Variants in MYO1C observed in about 807,000 individuals in gnomAD.
The protein encoded by MYO1C is unconventional myosin-Ic.
MYO1C carries 104 observed loss-of-function variants against 150.8 expected under a neutral mutation model. The ratio of observed to expected loss-of-function variants is 0.69; its 90% CI spans 0.59 to 0.81. The LOEUF is 0.81. MYO1C is among the 30% of genes least tolerant of loss of function. The probability of loss-of-function intolerance (pLI) is 0.00; values close to 1 mark genes in which losing one functional copy is unlikely to be tolerated. For synonymous variants in MYO1C, 663 were observed against 579.9 expected (o/e 1.14, Z -2.06); for missense variants, 1,504 against 1,435.0 (o/e 1.05, Z -0.78).
intron 13 of MYO1C, 28 bp downstream of exon 13, chr17:1,477,863 C>G: frequency 6.3e-7 from 1 of 1,599,584 alleles, no homozygotes; most frequent in Non-Finnish European, 8.6e-7. Context: ...GCCTCCAGCA[C>G]CAGGCCTTGG....
Position 1,467,997 on chromosome 17 carries a change from T to G in MYO1C, c.2887A>C (p.Asn963His). Reference sequence around the variant, plus strand: ...CTGGACCCTGGCTGACCGGTCAGGTTGGCGTAATCAATCCTCTGCTTGACT... The same window carrying G: ...CTGGACCCTGGCTGACCGGTCAGGTGGGCGTAATCAATCCTCTGCTTGACT... The part of the protein sequence containing the change: ...AKVKQRIDYA[N>H]LTGISVSSLS... Residue 963 changes from asparagine (N) to histidine (H), a missense_variant, in exon 28 of 32, where the codon AAC becomes CAC. Transcript: ENST00000648651. 7 of 1,612,568 alleles carry G rather than the reference T, an allele frequency of 4.3e-6. No homozygotes were observed. The highest frequency in any genetic ancestry group is 5.1e-6 in the Non-Finnish European group (6 of 1,179,734).
intron 1 of MYO1C, 161 bp from the exon 2 acceptor site, chr17:1,484,464 C>A (rs62089656): frequency 2.8e-5 from 23 of 829,310 alleles, no homozygotes; most frequent in Non-Finnish European, 4.2e-5. Flanking sequence ...GTGCTGAGGG[C>A]CTGGGTGTGG....
intron 1 of MYO1C, among the ~76,000 whole-genome samples, chr17:1,486,392 G>C (rs559117523): frequency 2.0e-5 from 3 of 152,258 alleles, no homozygotes; most frequent in African/African-American, 7.2e-5. Context: ...CCCCTCTGGA[G>C]GGCTCAGTTC....
At chr17:1,484,872 T>TTCCCCCCC in intron 1 of MYO1C, 8 of 341,198 alleles carry the variant, frequency 2.3e-5, no homozygotes, top group Non-Finnish European at 2.8e-5. Flanking sequence ...GGGCCGTCTC[T>TTCCCCCCC]CCCACCCAGA....
At chr17:1,477,452 A>G in intron 14 of MYO1C, 53 bp downstream of exon 14, 1 of 1,532,982 alleles carries the variant, frequency 6.5e-7, no homozygotes, top group Admixed American at 1.7e-5. Flanking sequence ...TGCACTCCGC[A>G]GGCTCTGCTG....
At chr17:1,470,814 AGTGG>A (rs1567517659) in intron 21 of MYO1C, 125 bp from the exon 22 acceptor site, 2 of 878,122 alleles carry the variant, frequency 2.3e-6, no homozygotes, top group African/African-American at 3.7e-5. Flanking sequence ...GCAGGAGGAG[AGTGG>A]TGAAGAAGAA....
rs201910249 is a variant in MYO1C, at chr17:1,465,742, C to T, written c.3176G>A (p.Arg1059Gln). The T allele has an allele frequency of 2.4e-5, 32 of 1,324,108 alleles. No homozygotes were observed. The Admixed American group carries it at 2.7e-4, about 11-fold the overall frequency. The allele number at this position is 1,324,108 out of a possible 1,614,324, so 82.0% of individuals were successfully genotyped here. The change falls in exon 32 of 32, where the codon CGG (arginine) becomes CAG (glutamine). Residue 1059 changes from arginine to glutamine, a missense_variant. By Grantham distance (43) the Arg-to-Gln change is conservative. Transcript: ENST00000648651. Reference sequence around the variant, plus strand: ...GCGCCTTTATCACCGAGAATTCAGCCGTGGGGCGACCTGTGGGGGCGGAGA... The same window carrying T: ...GCGCCTTTATCACCGAGAATTCAGCTGTGGGGCGACCTGTGGGGGCGGAGA... ...KNGHLAVVAP[R>Q]LNSR
rs1363908273 is a variant in MYO1C, at chr17:1,474,755, G to A, written c.1716+57C>T. The A allele has an allele frequency of 5.0e-6, 8 of 1,612,284 alleles. No individual in the cohort carries two copies. In the Admixed American group the frequency reaches 1.0e-4, roughly 20 times the overall value. On this transcript the variant is annotated intron_variant, in intron 16 of 31. Coordinates refer to ENST00000648651, the MANE Select transcript of MYO1C (RefSeq NM_001080779.2). Reference sequence around the variant, plus strand: ...CAGGCAGGACAGGCTCCTGGACACAGGTGCAGAGCTGTGGGCTATCCCCAC... The same window carrying A: ...CAGGCAGGACAGGCTCCTGGACACAAGTGCAGAGCTGTGGGCTATCCCCAC...
rs976868208 is a variant in MYO1C, at chr17:1,469,691, C to T, written c.2527-77G>A. On this transcript the variant is annotated intron_variant, in intron 24 of 31. Coordinates refer to ENST00000648651, the MANE Select transcript of MYO1C (RefSeq NM_001080779.2). ...TGAAGACATCGAACATATGCTACTG[C>T]ATCCTTTGGATAAGTAACACCCCCT... 5.0e-6 allele frequency: 6 copies of T among 1,211,124 alleles called. No individual in the cohort carries two copies. In the Admixed American group the frequency reaches 9.7e-5, roughly 19 times the overall value. 75.0% of individuals were successfully genotyped at this position (1,211,124 alleles called of 1,614,324 possible). A position where few individuals can be genotyped will look rare whatever the true frequency, so the allele number is the denominator to read the frequency against.
At position 1,481,028 on chromosome 17, in the gene MYO1C, G is replaced by T. The variant is rs2074509507; in HGVS notation, c.628-143C>A. 5.0e-6 allele frequency: 4 copies of T among 805,918 alleles called. No homozygotes were observed. In the Admixed American group the frequency reaches 9.6e-5, roughly 19 times the overall value. The allele number at this position is 805,918 out of a possible 1,614,324, so 49.9% of individuals were successfully genotyped here. ...CCTGCCACTAGCTGCGTCGGCTCAG[G>T]CACGCCACCCACGCTGGACTCAGTT... On this transcript the variant is annotated intron_variant, in intron 5 of 31. Transcript: ENST00000648651.
intron 4 of MYO1C, 95 bp from the exon 5 acceptor site, chr17:1,482,653 T>G (rs2074548379): frequency 1.5e-6 from 1 of 683,962 alleles, no homozygotes; most frequent in Non-Finnish European, 2.0e-6. Context: ...CCTCCCGCAC[T>G]GGGCTTCTCT....
Position 1,492,417 on chromosome 17 carries a change from T to G in MYO1C, c.71A>C (p.Lys24Thr), listed in dbSNP as rs2074746151. Residue 24 changes from lysine to threonine, a missense_variant, in exon 1 of 32, where the codon AAG (lysine) becomes ACG (threonine). Transcript: ENST00000648651. ...GCCCAGAGCATCCCAGCTTACAAGC[T>G]TGCAGGGCCTGTGGGGATGAACCAC... is the stretch of plus-strand genomic sequence containing the variant. ...IRVVHPHRPC[K>T]LALGSDGVRV... is the part of the protein sequence containing the mutation. 1 of 1,604,612 alleles carries G rather than the reference T, an allele frequency of 6.2e-7. No individual in the cohort carries two copies. Among genetic ancestry groups the G allele is most frequent in the Admixed American group, 1.7e-5 (1 of 59,272 alleles).
chr17:1,469,419 CGGTAAATACGGTAGACCGG>C, intron 25 of MYO1C, 93 bp downstream of exon 25: 1 of 1,047,224 alleles, frequency 9.5e-7, no homozygotes, highest in Non-Finnish European at 1.4e-6. Flanking sequence ...CGGTAGAACG[CGGTAAATACGGTAGACCGG>C]GGTAAATGCC....
Position 1,478,424 on chromosome 17 carries a change from C to G in MYO1C, c.1281G>C (p.Val427=). The G allele has an allele frequency of 6.2e-7, 1 of 1,614,210 alleles. No homozygotes were observed. The change falls in exon 11 of 32, where the codon GTG becomes GTC. Residue 427 remains valine (V), a synonymous_variant. Coordinates refer to ENST00000648651, the MANE Select transcript of MYO1C (RefSeq NM_001080779.2). This position sits in a 1 kb window ranked among gnomAD's most constrained non-coding sequence, Gnocchi z 6.3. ...ATGGCACCGACCTGTTATGCTGAAA[C>G]ACTTCAAAGCCATAAATATCCAGGA... The part of the protein sequence containing the change: ...LGLLDIYGFE[V]FQHNSFEQFC...
chr17:1,482,345 A>G, intron 5 of MYO1C, 133 bp downstream of exon 5: 1 of 823,746 alleles, frequency 1.2e-6, no homozygotes. Context: ...TCACCCTGGA[A>G]GGCAGGATTT....
In MYO1C at chr17:1,479,543, A is replaced by ACCCC; in HGVS notation, c.1021-42_1021-41insGGGG. ...GAGGACACGGTGAGGGTGCACCCCC[A>ACCCC]GCCCCCGCCCCCGCCGTCCTCCCGT... On this transcript the variant is annotated intron_variant, in intron 8 of 31. Transcript: ENST00000648651. The surrounding 1 kb of genome is among the most constrained non-coding windows in gnomAD (Gnocchi z 4.2). The ACCCC allele has an allele frequency of 1.0e-6, 1 of 955,582 alleles. No individual in the cohort carries two copies. The highest frequency in any genetic ancestry group is 1.7e-6 in the Non-Finnish European group (1 of 606,028). The allele number at this position is 955,582 out of a possible 1,614,324, so 59.2% of individuals were successfully genotyped here. A position where few individuals can be genotyped will look rare whatever the true frequency, so the allele number is the denominator to read the frequency against.
chr17:1,470,544 G>C (rs2074279821), intron 22 of MYO1C, 25 bp from the exon 23 acceptor site: 1 of 1,559,874 alleles, frequency 6.4e-7, no homozygotes, highest in South Asian at 1.2e-5. Flanking sequence ...ACAGATGGCT[G>C]AACTCTATCT....
At position 1,479,760 on chromosome 17, in the gene MYO1C, A is replaced by G. The variant is rs73292768; in HGVS notation, c.907-55T>C. 0.048 allele frequency: 63,693 copies of G among 1,318,514 alleles called. 2,074 individuals carry two copies. Among genetic ancestry groups the G allele is most frequent in the African/African-American group, 0.13 (9,219 of 68,998 alleles). 81.7% of individuals were successfully genotyped at this position (1,318,514 alleles called of 1,614,324 possible). ...GTGAGAGGGGCCAGAGAGCCCCAAG[A>G]GGGCAACTAGCAGATGGCCATGCAG... On this transcript the variant is annotated intron_variant, in intron 7 of 31. Transcript: ENST00000648651. This position sits in a 1 kb window ranked among gnomAD's most constrained non-coding sequence, Gnocchi z 4.2.
chr17:1,480,013 G>A (rs963954938), intron 7 of MYO1C, among the ~76,000 whole-genome samples: 1 of 152,014 alleles, frequency 6.6e-6, no homozygotes, highest in African/African-American at 2.4e-5. Context: ...AGGTGTGGTG[G>A]CAGGTGTCTG....
Sources: allele counts gnomAD v4.1 joint callset (sites outside exome capture counted in the v4.1 genomes callset), GRCh38; gene constraint gnomAD v4.1.1; non-coding constraint Gnocchi (gnomAD v3.1); transcripts MANE v1.5; gene names NCBI Gene and HGNC (gene_info 2026-07-23, HGNC 2026-07-21).